MGAT4C: variants seen among roughly 807,000 people sequenced by gnomAD.
MGAT4C encodes the protein alpha-1,3-mannosyl-glycoprotein 4-beta-N-acetylglucosaminyltransferase C.
In MGAT4C, 19 loss-of-function variants were observed where a neutral mutation model predicts 40.1. That is an observed-to-expected ratio of 0.47 (90% CI 0.33 to 0.70). The LOEUF is 0.70. Among genes scored for constraint, MGAT4C ranks in the 30% least tolerant of loss-of-function variants. The pLI is 0.02. For synonymous variants in MGAT4C, 181 were observed against 187.1 expected (o/e 0.97, Z 0.27); for missense variants, 491 against 563.2 (o/e 0.87, Z 1.30).
At chr12:85,984,499 C>T (rs1371814886) in intron 3 of MGAT4C, among the ~76,000 whole-genome samples, 1 of 151,950 alleles carries the variant, frequency 6.6e-6, no homozygotes, top group East Asian at 1.9e-4. Flanking sequence ...GGTTTATATT[C>T]AAGAAAACAT....
At chr12:86,632,023 G>GAA (rs1963062505) in intron 2 of MGAT4C, among the ~76,000 whole-genome samples, 1 of 151,884 alleles carries the variant, frequency 6.6e-6, no homozygotes, top group African/African-American at 2.4e-5. Context: ...AAGGGCTAGT[G>GAA]TCCAGAATCT....
At chr12:86,116,964 G>A (rs990229392) in intron 1 of MGAT4C, among the ~76,000 whole-genome samples, 2 of 152,068 alleles carry the variant, frequency 1.3e-5, no homozygotes, top group Non-Finnish European at 2.9e-5. Flanking sequence ...TTCTATCAGT[G>A]TGAGGAGAGA....
At chr12:86,353,270 G>C (rs1168681480) in intron 3 of MGAT4C, among the ~76,000 whole-genome samples, 1 of 152,120 alleles carries the variant, frequency 6.6e-6, no homozygotes, top group Middle Eastern at 3.4e-3. Flanking sequence ...CTAAGATAGA[G>C]TAATTATGTC....
At chr12:85,995,914 T>C (rs974432440) in intron 2 of MGAT4C, among the ~76,000 whole-genome samples, 1 of 152,154 alleles carries the variant, frequency 6.6e-6, no homozygotes, top group African/African-American at 2.4e-5. Context: ...GCATATTACC[T>C]TAGTATTTGG....
chr12:86,661,480 CA>C (rs1271418126), intron 2 of MGAT4C, among the ~76,000 whole-genome samples: 2 of 151,738 alleles, frequency 1.3e-5, no homozygotes, highest in Admixed American at 1.3e-4. Context: ...CAAATAACTA[CA>C]AAATATAAAA....
chr12:86,215,908 G>A (rs1357730676), intron 1 of MGAT4C, among the ~76,000 whole-genome samples: 1 of 151,880 alleles, frequency 6.6e-6, no homozygotes, highest in Non-Finnish European at 1.5e-5. Context: ...TCAGATTTGA[G>A]CTCCACAGAT....
intron 1 of MGAT4C, among the ~76,000 whole-genome samples, chr12:86,774,319 C>CTTTCTTTCCTTTCTTTCTTTCT (rs1951702165): frequency 2.1e-5 from 2 of 93,720 alleles, no homozygotes; most frequent in East Asian, 3.2e-4. Flanking sequence ...TTCTTTCTTT[C>CTTTCTTTCCTTTCTTTCTTTCT]TTTCTTTCTT....
chr12:86,390,277 G>C (rs1477350970), intron 3 of MGAT4C, among the ~76,000 whole-genome samples: 1 of 151,992 alleles, frequency 6.6e-6, no homozygotes, highest in African/African-American at 2.4e-5. Flanking sequence ...ACACATATGA[G>C]TTTCTGGAGT....
chr12:86,705,227 TATCTATC>T (rs1460741055), intron 2 of MGAT4C, among the ~76,000 whole-genome samples: 41 of 137,184 alleles, frequency 3.0e-4, no homozygotes, highest in Admixed American at 5.7e-4. Context: ...TCTATCTATC[TATCTATC>T]TATCTATCTA....
At chr12:86,244,143 C>A (rs1005659561) in intron 1 of MGAT4C, among the ~76,000 whole-genome samples, 3 of 152,184 alleles carry the variant, frequency 2.0e-5, no homozygotes, top group Non-Finnish European at 4.4e-5. Flanking sequence ...CCTACACGCA[C>A]ATAAGCAACA....
At chr12:86,507,766 C>T (rs1958496466) in intron 2 of MGAT4C, among the ~76,000 whole-genome samples, 2 of 152,122 alleles carry the variant, frequency 1.3e-5, no homozygotes. Context: ...TTGAGCAAAA[C>T]AGCTAAATCA....
chr12:86,414,037 A>G (rs1293627763), intron 3 of MGAT4C, among the ~76,000 whole-genome samples: 1 of 152,170 alleles, frequency 6.6e-6, no homozygotes, highest in Non-Finnish European at 1.5e-5. Flanking sequence ...ATTTCAAGGA[A>G]GAAATTGCTC....
intron 1 of MGAT4C, among the ~76,000 whole-genome samples, chr12:86,751,316 C>T (rs1690216611): frequency 6.6e-6 from 1 of 151,978 alleles, no homozygotes; most frequent in Non-Finnish European, 1.5e-5. Flanking sequence ...TTGTACTCTA[C>T]ATTTTTTCTT....
At chr12:86,391,729 G>A (rs1272130627) in intron 3 of MGAT4C, among the ~76,000 whole-genome samples, 2 of 151,952 alleles carry the variant, frequency 1.3e-5, no homozygotes, top group African/African-American at 4.8e-5. Flanking sequence ...GCATGGTGGC[G>A]GGTGCCTGTA....
chr12:86,264,765 G>T (rs1379761340), intron 4 of MGAT4C, among the ~76,000 whole-genome samples: 1 of 152,152 alleles, frequency 6.6e-6, no homozygotes, highest in East Asian at 1.9e-4. Flanking sequence ...GCTCAGAAGT[G>T]CCTGCTCTCA....
In MGAT4C at chr12:86,152,326, T is replaced by C. The variant is rs371028372; in HGVS notation, c.-56-102603A>G. ...GCAGGTTCAGTGTCTGGTGAGAACC[T>C]GACCTCTGCTTCCAAGATGGTGCCT... On this transcript the variant is annotated intron_variant, in intron 1 of 4. Transcript: ENST00000611864. 1.4e-4 allele frequency among the ~76,000 whole-genome samples: 22 copies of C among 152,338 alleles called. No individual in the cohort carries two copies. The East Asian group carries it at 4.2e-3, about 29-fold the overall frequency.
chr12:86,699,432 C>T (rs901209436), intron 2 of MGAT4C, among the ~76,000 whole-genome samples: 1 of 152,022 alleles, frequency 6.6e-6, no homozygotes, highest in African/African-American at 2.4e-5. Flanking sequence ...CGATACATAA[C>T]TTTTGTCAAT....
intron 2 of MGAT4C, among the ~76,000 whole-genome samples, chr12:86,684,379 G>A (rs1350762581): frequency 6.6e-6 from 1 of 152,222 alleles, no homozygotes; most frequent in East Asian, 1.9e-4. Flanking sequence ...TTTTATGGCA[G>A]CATAGTATTC....
At chr12:86,160,261 C>T (rs371273716) in intron 1 of MGAT4C, among the ~76,000 whole-genome samples, 10 of 151,920 alleles carry the variant, frequency 6.6e-5, no homozygotes, top group African/African-American at 2.4e-4. Flanking sequence ...ATTTCAAAGA[C>T]TTTTTTATTT....
Sources: allele counts gnomAD v4.1 joint callset (sites outside exome capture counted in the v4.1 genomes callset), GRCh38; gene constraint gnomAD v4.1.1; transcripts MANE v1.5; gene names NCBI Gene and HGNC (gene_info 2026-07-23, HGNC 2026-07-21).